AVPR1B: variants seen among roughly 807,000 people sequenced by gnomAD.
The protein encoded by AVPR1B is arginine vasopressin receptor 1B.
AVPR1B carries 25 observed loss-of-function variants against 27.5 expected under a neutral mutation model. That is an observed-to-expected ratio of 0.91 (90% CI 0.66 to 1.27). The LOEUF (loss-of-function observed/expected upper bound fraction) is 1.27. Among genes scored for constraint, AVPR1B ranks in the 50% most tolerant of loss-of-function variants. The probability of loss-of-function intolerance (pLI) is 0.00; values close to 1 mark genes in which losing one functional copy is unlikely to be tolerated. For synonymous variants in AVPR1B, 248 were observed against 240.2 expected, an observed-to-expected ratio of 1.03 and a Z score of -0.30; for missense variants, 595 against 556.9, an observed-to-expected ratio of 1.07 and a Z score of -0.69.
intron 1 of AVPR1B, among the ~76,000 whole-genome samples, chr1:206,110,828 C>A (rs1282758692): frequency 6.6e-6 from 1 of 152,222 alleles, no homozygotes; most frequent in Admixed American, 6.5e-5. Flanking sequence ...GGGATAGGAT[C>A]AGCCCAGATA....
rs782082486 is a variant in AVPR1B, at chr1:206,107,667, T to C, written c.*2522A>G. On this transcript the variant is annotated 3_prime_UTR_variant, in exon 2 of 2. Coordinates refer to ENST00000367126, the MANE Select transcript of AVPR1B (RefSeq NM_000707.5). ...CTTGTGCAATGCAAAACAGAAAATA[T>C]CATAGTAGTAAGAGGGGATCTATAG... is the stretch of plus-strand genomic sequence containing the variant. Among the ~76,000 whole-genome samples, 15 of 152,138 alleles carry C rather than the reference T, an allele frequency of 9.9e-5. No homozygotes were observed. The highest frequency in any genetic ancestry group is 1.6e-4 in the Non-Finnish European group (11 of 68,036).
At position 206,108,830 on chromosome 1, in the gene AVPR1B, C is replaced by T. The variant is rs141051998; in HGVS notation, c.*1359G>A. Among the ~76,000 whole-genome samples the T allele has an allele frequency of 3.1e-4, 47 of 152,334 alleles. 1 individual carries two copies. In the East Asian group the frequency reaches 8.3e-3, roughly 27 times the overall value. On this transcript the variant is annotated 3_prime_UTR_variant, in exon 2 of 2. Coordinates refer to ENST00000367126, the MANE Select transcript of AVPR1B (RefSeq NM_000707.5). ...CTGGAGATAATGAGCATGTGCCATG[C>T]TCTTCCTCTACCTCGGTCTACCTTG...
Position 206,110,331 on chromosome 1 carries a change from GT to G in AVPR1B, c.1132del (p.Thr378ArgfsTer3). The G allele has an allele frequency of 6.2e-7, 1 of 1,612,928 alleles. No individual in the cohort carries two copies. ...SDGSLSSRHT[T>X]LLTRSSCPAT... is the part of the protein sequence containing the mutation. ...CGGGCAGCTGGAGCGGGTCAGCAGC[GT>G]GGTGTGGCGGCTCGAGAGGCTGCCG... On this transcript the variant is annotated frameshift_variant, in exon 2 of 2. Transcript: ENST00000367126. LOFTEE classifies it high-confidence loss of function.
chr1:206,111,125 C>T (rs1466214892), intron 1 of AVPR1B, among the ~76,000 whole-genome samples: 4 of 152,176 alleles, frequency 2.6e-5, no homozygotes, highest in Non-Finnish European at 4.4e-5. Context: ...TCAATGGAGC[C>T]TGACTGCCCT....
In AVPR1B at chr1:206,110,359, C is replaced by T. The variant is rs147040237; in HGVS notation, c.1105G>A (p.Asp369Asn). ...PQPRMRRRLS[D>N]GSLSSRHTTL... ...GTGTGGCGGCTCGAGAGGCTGCCGT[C>T]GGAGAGCCGCCGGCGCATCCTGGGC... The change falls in exon 2 of 2, where the codon GAC becomes AAC. Residue 369 changes from aspartate (D) to asparagine (N), a missense_variant. By Grantham distance (23) the Asp-to-Asn change is conservative. Coordinates refer to ENST00000367126, the MANE Select transcript of AVPR1B (RefSeq NM_000707.5). 36 of 1,609,118 alleles carry T rather than the reference C, an allele frequency of 2.2e-5. No homozygotes were observed. The highest frequency in any genetic ancestry group is 1.7e-4 in the African/African-American group (13 of 74,872).
chr1:206,107,780 GGGTCA>G lies in AVPR1B; in HGVS notation c.*2404_*2408del, dbSNP rs1663303663. 3.9e-5 allele frequency among the ~76,000 whole-genome samples: 6 copies of G among 152,208 alleles called. No homozygotes were observed. The highest frequency in any genetic ancestry group is 6.5e-5 in the Admixed American group (1 of 15,288). ...TCCTCTCTGAACTGTAGACTCTTTT[GGGTCA>G]GGACCCTGGAGGTCATCTACCAGAT... On this transcript the variant is annotated 3_prime_UTR_variant, in exon 2 of 2. Transcript: ENST00000367126.
At position 206,110,973 on chromosome 1, in the gene AVPR1B, A is replaced by G. The variant is rs35996373; in HGVS notation, c.941-450T>C. ...CCCGCCCATCTCCATCCCCACTTAC[A>G]TTATACATCATGGATTCACATGGCC... On this transcript the variant is annotated intron_variant, in intron 1 of 1. Transcript: ENST00000367126. Among the ~76,000 whole-genome samples the G allele has an allele frequency of 5.9e-5, 9 of 152,300 alleles. No individual in the cohort carries two copies. In the East Asian group the frequency reaches 1.7e-3, roughly 29 times the overall value.
chr1:206,115,879 A>C, intron 1 of AVPR1B, 72 bp downstream of exon 1: 15 of 1,461,726 alleles, frequency 1.0e-5, no homozygotes, highest in South Asian at 1.4e-5. Context: ...GAGGCATTGT[A>C]ACCCTGACCT....
In AVPR1B at chr1:206,116,499, T is replaced by C; in HGVS notation, c.392A>G (p.Asp131Gly). The change falls in exon 1 of 2, where the codon GAC (aspartate) becomes GGC (glycine). Residue 131 changes from aspartate to glycine, a missense_variant. Asp to Gly is a moderately conservative substitution (Grantham distance 94). Coordinates refer to ENST00000367126, the MANE Select transcript of AVPR1B (RefSeq NM_000707.5). ...GGGGTGACAGACAGCCAGGTAGCGG[T>C]CCAGCGTCATGGCCAGCAGCATGTA... ...STYMLLAMTLDRYLAVCHPLR... is the reference protein window; with the variant it reads ...STYMLLAMTLGRYLAVCHPLR... 2 of 1,613,952 alleles carry C rather than the reference T, an allele frequency of 1.2e-6. No homozygotes were observed. The highest frequency in any genetic ancestry group is 1.7e-6 in the Non-Finnish European group (2 of 1,179,972).
chr1:206,112,292 CTGATGGGAGG>C (rs782684772), intron 1 of AVPR1B, among the ~76,000 whole-genome samples: 45 of 152,052 alleles, frequency 3.0e-4, no homozygotes, highest in Non-Finnish European at 6.0e-4. Flanking sequence ...GGACGTGGGC[CTGATGGGAGG>C]TGATTGGATC....
Position 206,108,512 on chromosome 1 carries a change from C to A in AVPR1B, c.*1677G>T, listed in dbSNP as rs540875909. On this transcript the variant is annotated 3_prime_UTR_variant, in exon 2 of 2. Transcript: ENST00000367126. ...CTTCCCTGGGAGTCAGGGGTAGAGA[C>A]TGAAAGTGTTCCCTAGAGCTTCCCT... Among the ~76,000 whole-genome samples the A allele has an allele frequency of 6.6e-6, 1 of 152,330 alleles. No individual in the cohort carries two copies. The highest frequency in any genetic ancestry group is 1.9e-4 in the East Asian group (1 of 5,188).
intron 1 of AVPR1B, among the ~76,000 whole-genome samples, chr1:206,111,267 G>T (rs1553289807): frequency 2.7e-5 from 4 of 150,290 alleles, no homozygotes; most frequent in African/African-American, 1.0e-4. Flanking sequence ...GTACCTTTCT[G>T]CAGGGAAAAA....
chr1:206,114,177 A>G (rs533345570), intron 1 of AVPR1B, among the ~76,000 whole-genome samples: 1 of 152,284 alleles, frequency 6.6e-6, no homozygotes, highest in East Asian at 1.9e-4. Flanking sequence ...ACGTCCTGGG[A>G]TGAGCAAAAT....
chr1:206,114,297 G>A (rs34974457), intron 1 of AVPR1B, among the ~76,000 whole-genome samples: 4,186 of 152,236 alleles, frequency 0.027, 72 homozygotes, highest in Middle Eastern at 0.085. Context: ...TGTGCACAGG[G>A]CCTGCCTAGG....
rs115722490 is a variant in AVPR1B at position 206,107,617 on chromosome 1, A to G, written c.*2572T>C. 6.5e-4 allele frequency among the ~76,000 whole-genome samples: 99 copies of G among 152,334 alleles called. No homozygotes were observed. The highest frequency in any genetic ancestry group is 2.2e-3 in the African/African-American group (92 of 41,582). ...CATGGGAGGAACAATGAGGGCTCCA[A>G]AGCCACCACCCCAAGTAAATTATTC... On this transcript the variant is annotated 3_prime_UTR_variant, in exon 2 of 2. Transcript: ENST00000367126.
At chr1:206,115,114 G>T (rs1663441994) in intron 1 of AVPR1B, among the ~76,000 whole-genome samples, 1 of 152,184 alleles carries the variant, frequency 6.6e-6, no homozygotes, top group Non-Finnish European at 1.5e-5. Flanking sequence ...TGCATAGCAT[G>T]CATGCACTTA....
chr1:206,110,757 C>G (rs1167134234), intron 1 of AVPR1B, among the ~76,000 whole-genome samples: 1 of 152,142 alleles, frequency 6.6e-6, no homozygotes, highest in Non-Finnish European at 1.5e-5. Flanking sequence ...TGTGTAACTG[C>G]AGGGTGAAGG....
In AVPR1B at chr1:206,107,094, G is replaced by A. The variant is rs919442342; in HGVS notation, c.*3095C>T. On this transcript the variant is annotated 3_prime_UTR_variant, in exon 2 of 2. Transcript: ENST00000367126. ...ACATTATCTGGGAAAGTACTGGCCT[G>A]TGCCAAACAACATAACGATTCTGAG... 6.6e-6 allele frequency among the ~76,000 whole-genome samples: 1 copy of A among 152,214 alleles called. No homozygotes were observed. Among genetic ancestry groups the A allele is most frequent in the Admixed American group, 6.5e-5 (1 of 15,286 alleles).
chr1:206,115,979 G>T lies in AVPR1B; in HGVS notation c.912C>A (p.Ser304=). ...WAPFFSVQMW[S]VWDKNAPDED... is the part of the protein sequence containing the mutation. Reference sequence around the variant, plus strand: ...CATCAGGGGCATTCTTGTCCCACACGGACCACATCTGGACACTGAAGAAGG... The same window carrying T: ...CATCAGGGGCATTCTTGTCCCACACTGACCACATCTGGACACTGAAGAAGG... The change falls in exon 1 of 2, where the codon TCC becomes TCA. Residue 304 remains serine, a synonymous_variant. Coordinates refer to ENST00000367126, the MANE Select transcript of AVPR1B (RefSeq NM_000707.5). 6.2e-7 allele frequency: 1 copy of T among 1,608,920 alleles called. No individual in the cohort carries two copies. The highest frequency in any genetic ancestry group is 8.5e-7 in the Non-Finnish European group (1 of 1,176,230).
Sources: allele counts gnomAD v4.1 joint callset (sites outside exome capture counted in the v4.1 genomes callset), GRCh38; gene constraint gnomAD v4.1.1; transcripts MANE v1.5; gene names NCBI Gene and HGNC (gene_info 2026-07-23, HGNC 2026-07-21).